The following COX10 variants were observed in gnomAD, a reference collection of about 807,000 sequenced individuals.
The protein encoded by COX10 is cytochrome c oxidase assembly factor heme A:farnesyltransferase COX10.
In COX10, 27 loss-of-function variants were observed where a neutral mutation model predicts 37.3. The ratio of observed to expected loss-of-function variants is 0.72; its 90% CI spans 0.53 to 1.00. The LOEUF (loss-of-function observed/expected upper bound fraction) is 1.00. COX10 is among the 50% of genes least tolerant of loss of function. The probability of loss-of-function intolerance (pLI) is 0.00; values close to 1 mark genes in which losing one functional copy is unlikely to be tolerated. For missense variants in COX10, 475 were observed against 563.2 expected (o/e 0.84, Z 1.59); for synonymous variants, 222 against 229.1 (o/e 0.97, Z 0.28).
At chr17:14,106,431 C>T (rs181198270) in intron 4 of COX10, among the ~76,000 whole-genome samples, 100 of 152,228 alleles carry the variant, frequency 6.6e-4, no homozygotes, top group African/African-American at 2.3e-3. Flanking sequence ...CAATGCTGAG[C>T]TGAAATTCTT....
rs753310674 is a variant in COX10, at chr17:14,192,092, A to G, written c.799A>G (p.Ile267Val). 4 of 1,614,066 alleles carry G rather than the reference A, an allele frequency of 2.5e-6. No homozygotes were observed. Among genetic ancestry groups the G allele is most frequent in the African/African-American group, 1.3e-5 (1 of 74,992 alleles). Reference sequence around the variant, plus strand: ...CACAGGAGCCCTGGGGCTCTTCAACATTTTCCTGTATACCTGCTGCTACAC... The same window carrying G: ...CACAGGAGCCCTGGGGCTCTTCAACGTTTTCCTGTATACCTGCTGCTACAC... ...PLTGALGLFN[I>V]FLYTCCYTPL... is the part of the protein sequence containing the mutation. The change falls in exon 6 of 7, where the codon ATT becomes GTT. Residue 267 changes from isoleucine (I) to valine (V), a missense_variant. Ile to Val is a conservative substitution (Grantham distance 29). Transcript: ENST00000261643.
intron 5 of COX10, among the ~76,000 whole-genome samples, chr17:14,171,296 T>A (rs1905458759): frequency 1.3e-5 from 2 of 152,238 alleles, no homozygotes; most frequent in African/African-American, 4.8e-5. Flanking sequence ...GTCGAGGAGA[T>A]GGCAACACAC....
intron 4 of COX10, among the ~76,000 whole-genome samples, chr17:14,107,044 G>T (rs1437990415): frequency 6.6e-6 from 1 of 151,908 alleles, no homozygotes; most frequent in Non-Finnish European, 1.5e-5. Context: ...TGTTGTGTGG[G>T]CTGTCCTGTG....
At chr17:14,203,572 A>G (rs8077231) in intron 6 of COX10, among the ~76,000 whole-genome samples, 20,952 of 152,134 alleles carry the variant, frequency 0.14, 1,990 homozygotes, top group East Asian at 0.4. Flanking sequence ...GATGACTTGC[A>G]AAGCCTGCCC....
At chr17:14,160,295 C>T (rs1290660347) in intron 5 of COX10, among the ~76,000 whole-genome samples, 2 of 152,080 alleles carry the variant, frequency 1.3e-5, no homozygotes, top group African/African-American at 4.8e-5. Context: ...TCTAGGGTCT[C>T]AGAAGAAGGA....
At chr17:14,141,647 A>G (rs1904547680) in intron 4 of COX10, among the ~76,000 whole-genome samples, 1 of 151,942 alleles carries the variant, frequency 6.6e-6, no homozygotes, top group South Asian at 2.1e-4. Flanking sequence ...AAATACATGT[A>G]GTAAGTCTCA....
In COX10 at chr17:14,206,803, C is replaced by CCCA. The variant is rs756441422; in HGVS notation, c.929-7_929-6insCCA. 1 of 1,614,124 alleles carries CCCA rather than the reference C, an allele frequency of 6.2e-7. No individual in the cohort carries two copies. The highest frequency in any genetic ancestry group is 8.5e-7 in the Non-Finnish European group (1 of 1,179,994). On this transcript the variant is annotated splice_region_variant and splice_polypyrimidine_tract_variant and intron_variant, in intron 6 of 6. Transcript: ENST00000261643. The stretch of plus-strand genomic sequence containing the variant: ...TGTCTCCCTCTCCTTCCCTGACCCC[C>CCCA]GCACAGGCGCATTTCTCCTGGGAGG...
At chr17:14,157,417 G>C (rs971314815) in intron 4 of COX10, among the ~76,000 whole-genome samples, 1 of 152,224 alleles carries the variant, frequency 6.6e-6, no homozygotes, top group Non-Finnish European at 1.5e-5. Context: ...AGGCAGGACT[G>C]TTTTCAAAAG....
intron 5 of COX10, among the ~76,000 whole-genome samples, chr17:14,170,262 A>G (rs1905421559): frequency 6.6e-6 from 1 of 152,228 alleles, no homozygotes; most frequent in Non-Finnish European, 1.5e-5. Flanking sequence ...TCATGCAATG[A>G]AGGTAAATGT....
Position 14,187,373 on chromosome 17 carries a change from A to G in COX10, c.696-4616A>G, listed in dbSNP as rs544801291. 5.3e-5 allele frequency among the ~76,000 whole-genome samples: 8 copies of G among 152,352 alleles called. No homozygotes were observed. In the East Asian group the frequency reaches 7.7e-4, roughly 15 times the overall value. On this transcript the variant is annotated intron_variant, in intron 5 of 6. Transcript: ENST00000261643. The stretch of plus-strand genomic sequence containing the variant: ...GTATATTGGTTGAATTAATTGTGGT[A>G]TATCCAAAGAATAAGCCACTGTGTG...
At position 14,146,408 on chromosome 17, in the gene COX10, C is replaced by G. The variant is rs568123208; in HGVS notation, c.625-13469C>G. Among the ~76,000 whole-genome samples the G allele has an allele frequency of 8.3e-4, 126 of 152,132 alleles. 1 individual carries two copies. The highest frequency in any genetic ancestry group is 3.4e-3 in the Middle Eastern group (1 of 294). On this transcript the variant is annotated intron_variant, in intron 4 of 6. Coordinates refer to ENST00000261643, the MANE Select transcript of COX10 (RefSeq NM_001303.4). ...ACATACACTGGGGAAAAGACTATCT[C>G]TTCAATAAATGGTGCAGGGAAAACT...
At chr17:14,174,990 C>T in intron 5 of COX10, among the ~76,000 whole-genome samples, 1 of 86,610 alleles carries the variant, frequency 1.2e-5, no homozygotes. Flanking sequence ...AAGACAGAGA[C>T]AAAAGACAGC....
intron 5 of COX10, among the ~76,000 whole-genome samples, chr17:14,187,648 TG>T (rs1474693130): frequency 6.6e-6 from 1 of 152,256 alleles, no homozygotes; most frequent in Non-Finnish European, 1.5e-5. Context: ...ATATTACTTT[TG>T]TTATAAATGT....
intron 3 of COX10, 81 bp downstream of exon 3, chr17:14,077,137 A>G (rs1465047914): frequency 7.1e-6 from 10 of 1,400,968 alleles, no homozygotes; most frequent in South Asian, 2.5e-5. Context: ...TTACCACCTG[A>G]AAAGAATAAT....
At position 14,166,789 on chromosome 17, in the gene COX10, T is replaced by C. The variant is rs576072464; in HGVS notation, c.695+6842T>C. 6.3e-3 allele frequency among the ~76,000 whole-genome samples: 897 copies of C among 142,444 alleles called. 2 individuals carry two copies. The highest frequency in any genetic ancestry group is 9.2e-3 in the Non-Finnish European group (599 of 64,838). 93.4% of individuals were successfully genotyped at this position (142,444 alleles called of 152,430 possible). A position where few individuals can be genotyped will look rare whatever the true frequency, so the allele number is the denominator to read the frequency against. On this transcript the variant is annotated intron_variant, in intron 5 of 6. Coordinates refer to ENST00000261643, the MANE Select transcript of COX10 (RefSeq NM_001303.4). Reference sequence around the variant, plus strand: ...ACCACGCCTGGCTATTTCTTTCTTTTTTTTTTTTTTTTTTTTTTGTATTTT... The same window carrying C: ...ACCACGCCTGGCTATTTCTTTCTTTCTTTTTTTTTTTTTTTTTTGTATTTT...
intron 1 of COX10, among the ~76,000 whole-genome samples, chr17:14,071,764 A>G (rs1241076036): frequency 6.6e-6 from 1 of 150,684 alleles, no homozygotes; most frequent in African/African-American, 2.4e-5. Flanking sequence ...GCCAAGCGCA[A>G]TGGTGTGCAC....
intron 2 of COX10, among the ~76,000 whole-genome samples, chr17:14,074,790 T>C (rs1314670653): frequency 2.6e-5 from 4 of 152,246 alleles, no homozygotes; most frequent in Non-Finnish European, 4.4e-5. Flanking sequence ...TCTGTGACTA[T>C]ATCAGTAATA....
At chr17:14,112,459 G>A (rs1281610514) in intron 4 of COX10, among the ~76,000 whole-genome samples, 1 of 152,120 alleles carries the variant, frequency 6.6e-6, no homozygotes, top group Non-Finnish European at 1.5e-5. Context: ...CTATTTTCTG[G>A]AAGGATCCAT....
chr17:14,179,036 A>G (rs1905773634), intron 5 of COX10, among the ~76,000 whole-genome samples: 1 of 152,208 alleles, frequency 6.6e-6, no homozygotes. Flanking sequence ...TCTAGCTATA[A>G]TCTACCTCCC....
Sources: gnomAD v4.1 joint callset for allele counts (sites outside exome capture counted in the v4.1 genomes callset) on GRCh38, gnomAD v4.1.1 for gene constraint, MANE v1.5 for transcripts, NCBI Gene and HGNC (gene_info 2026-07-23, HGNC 2026-07-21) for gene names.